UBE2E3: variants seen among roughly 807,000 people sequenced by gnomAD.
UBE2E3 encodes the protein ubiquitin-conjugating enzyme E2 E3.
Under a neutral mutation model 23.6 loss-of-function variants are expected in UBE2E3, and 5 were observed. That is an observed-to-expected ratio of 0.21 (90% CI 0.11 to 0.44). UBE2E3 has a LOEUF of 0.44. UBE2E3 is among the 20% of genes least tolerant of loss of function. The pLI is 0.99. For synonymous variants in UBE2E3, 78 were observed against 87.5 expected (o/e 0.89, Z 0.60); for missense variants, 81 against 249.8 (o/e 0.32, Z 4.55).
At chr2:180,989,857 AC>A (rs1219834908) in intron 3 of UBE2E3, 2 of 1,535,788 alleles carry the variant, frequency 1.3e-6, no homozygotes, top group Non-Finnish European at 1.8e-6. Flanking sequence ...TGCTGTAACA[AC>A]AGATGGATAT....
chr2:181,059,016 T>C (rs1022095120), intron 4 of UBE2E3, among the ~76,000 whole-genome samples: 1 of 151,774 alleles, frequency 6.6e-6, no homozygotes, highest in Non-Finnish European at 1.5e-5. Context: ...TTGGCTAATA[T>C]AAGAATTTCA....
rs1010812877 is a variant in UBE2E3, at chr2:181,026,711, A to G, written c.246-30982A>G. Among the ~76,000 whole-genome samples, 5 of 151,690 alleles carry G rather than the reference A, an allele frequency of 3.3e-5. No individual in the cohort carries two copies. The South Asian group carries it at 6.2e-4, about 19-fold the overall frequency. On this transcript the variant is annotated intron_variant, in intron 3 of 5. Coordinates refer to ENST00000410062, the MANE Select transcript of UBE2E3 (RefSeq NM_006357.4). ...TCCGCCATTACTTCAGGTAGATTTC[A>G]TTACCTCGACTGGACTGCCTAAATA...
intron 3 of UBE2E3, among the ~76,000 whole-genome samples, chr2:181,019,378 A>C (rs1475141496): frequency 6.6e-6 from 1 of 152,254 alleles, no homozygotes; most frequent in Non-Finnish European, 1.5e-5. Context: ...ACTCAGAAGC[A>C]TATTAACCTT....
intron 3 of UBE2E3, among the ~76,000 whole-genome samples, chr2:180,986,899 C>G (rs1684488243): frequency 6.6e-6 from 1 of 151,998 alleles, no homozygotes; most frequent in Non-Finnish European, 1.5e-5. Flanking sequence ...AAAATCCCTT[C>G]CTGTGTTTTA....
intron 3 of UBE2E3, among the ~76,000 whole-genome samples, chr2:181,032,517 A>G (rs150593149): frequency 2.8e-4 from 43 of 152,238 alleles, no homozygotes; most frequent in Admixed American, 1.6e-3. Context: ...GTATTTTTCA[A>G]TATCTTTATA....
At chr2:181,056,362 A>G (rs1248255390) in intron 3 of UBE2E3, among the ~76,000 whole-genome samples, 1 of 151,758 alleles carries the variant, frequency 6.6e-6, no homozygotes, top group East Asian at 1.9e-4. Context: ...GAGACTGAGT[A>G]GGTTATAAGG....
chr2:181,061,970 G>A (rs1323909224), intron 5 of UBE2E3, among the ~76,000 whole-genome samples: 2 of 151,586 alleles, frequency 1.3e-5, no homozygotes, highest in Admixed American at 6.6e-5. Flanking sequence ...TAAAAAGAAT[G>A]TGACAACTCT....
intron 3 of UBE2E3, among the ~76,000 whole-genome samples, chr2:181,039,293 A>G (rs548966655): frequency 2.0e-5 from 3 of 148,502 alleles, no homozygotes; most frequent in Non-Finnish European, 4.5e-5. Context: ...AATTTTATAA[A>G]TAAATTTATA....
At chr2:181,041,232 CTCA>C (rs1322383297) in intron 3 of UBE2E3, among the ~76,000 whole-genome samples, 4 of 31,888 alleles carry the variant, frequency 1.3e-4, no homozygotes, top group East Asian at 1.1e-3. Context: ...AAGACTCCGT[CTCA>C]AAAAAAAAAA....
At position 181,062,995 on chromosome 2, in the gene UBE2E3, T is replaced by C; in HGVS notation, c.*107T>C. The C allele has an allele frequency of 3.7e-6, 2 of 535,248 alleles. No individual in the cohort carries two copies. Among genetic ancestry groups the C allele is most frequent in the South Asian group, 1.1e-4 (2 of 17,872 alleles). The allele number at this position is 535,248 out of a possible 1,614,324, so 33.2% of individuals were successfully genotyped here. A position where few individuals can be genotyped will look rare whatever the true frequency, so the allele number is the denominator to read the frequency against. On this transcript the variant is annotated 3_prime_UTR_variant, in exon 6 of 6. Transcript: ENST00000410062. ...GACTTCTGTGTATATGTTATACTGA[T>C]TCTACTCTGCTTTTATCCTTTGGAG... is the stretch of plus-strand genomic sequence containing the variant.
intron 3 of UBE2E3, among the ~76,000 whole-genome samples, chr2:181,029,794 G>A (rs1425525933): frequency 6.9e-6 from 1 of 144,718 alleles, no homozygotes; most frequent in East Asian, 2.0e-4. Context: ...ATTGATGTTT[G>A]GCGTGGGTGT....
At chr2:181,051,856 TTC>T (rs1255431425) in intron 3 of UBE2E3, among the ~76,000 whole-genome samples, 2 of 151,930 alleles carry the variant, frequency 1.3e-5, no homozygotes. Context: ...ATAATTACTA[TTC>T]TCTGTGTTTT....
In UBE2E3 at chr2:181,006,499, CAAT is replaced by C. The variant is rs1427979164; in HGVS notation, c.245+22410_245+22412del. On this transcript the variant is annotated intron_variant, in intron 3 of 5. Transcript: ENST00000410062. ...TAATTAAAATTGAATTTCAAATAAA[CAAT>C]AATTTTTATAAGTATGTCCCAAATG... Among the ~76,000 whole-genome samples, 3 of 151,664 alleles carry C rather than the reference CAAT, an allele frequency of 2.0e-5. No homozygotes were observed. The East Asian group carries it at 5.8e-4, about 29-fold the overall frequency.
intron 3 of UBE2E3, among the ~76,000 whole-genome samples, chr2:180,993,411 T>TA (rs1450555129): frequency 6.6e-6 from 1 of 152,236 alleles, no homozygotes. Flanking sequence ...AGAGCAAATA[T>TA]ACTCTGTCAT....
In UBE2E3 at chr2:181,039,025, A is replaced by G. The variant is rs1000981008; in HGVS notation, c.246-18668A>G. ...ACAGTTTTGGGGTTTCTTACTATAA[A>G]CATACACTTACTACCATGTGACTCA... On this transcript the variant is annotated intron_variant, in intron 3 of 5. Transcript: ENST00000410062. Among the ~76,000 whole-genome samples the G allele has an allele frequency of 3.3e-5, 5 of 152,172 alleles. 1 individual carries two copies. In the East Asian group the frequency reaches 7.7e-4, roughly 23 times the overall value.
chr2:181,036,131 G>A (rs1686272677), intron 3 of UBE2E3, among the ~76,000 whole-genome samples: 1 of 152,138 alleles, frequency 6.6e-6, no homozygotes, highest in Non-Finnish European at 1.5e-5. Flanking sequence ...AAGAAAGAAC[G>A]AAGTTGGAGG....
chr2:180,993,011 T>A (rs1684712038), intron 3 of UBE2E3, among the ~76,000 whole-genome samples: 1 of 152,204 alleles, frequency 6.6e-6, no homozygotes, highest in South Asian at 2.1e-4. Context: ...ATGAGTTTTA[T>A]GAATCAAATA....
chr2:181,037,063 G>A (rs546314106), intron 3 of UBE2E3, among the ~76,000 whole-genome samples: 4 of 152,288 alleles, frequency 2.6e-5, no homozygotes, highest in African/African-American at 9.6e-5. Flanking sequence ...ATATAATGGT[G>A]GTTCCAGAAG....
chr2:181,022,544 A>G (rs905120121), intron 3 of UBE2E3, among the ~76,000 whole-genome samples: 3 of 152,168 alleles, frequency 2.0e-5, no homozygotes, highest in African/African-American at 7.2e-5. Flanking sequence ...CAACAGCACT[A>G]TAACCATGCC....
Sources: gnomAD v4.1 joint callset for allele counts (sites outside exome capture counted in the v4.1 genomes callset) on GRCh38, gnomAD v4.1.1 for gene constraint, MANE v1.5 for transcripts, NCBI Gene and HGNC (gene_info 2026-07-23, HGNC 2026-07-21) for gene names.